Variants in EEPD1 observed in about 807,000 individuals in gnomAD.
EEPD1 encodes endonuclease/exonuclease/phosphatase family domain containing 1.
A neutral mutation model predicts 46.3 loss-of-function variants in EEPD1; 17 were observed. The ratio of observed to expected loss-of-function variants is 0.37; its 90% CI spans 0.25 to 0.55. The LOEUF is 0.55. EEPD1 is among the 20% of genes least tolerant of loss of function. The probability of loss-of-function intolerance (pLI) is 0.83; values close to 1 mark genes in which losing one functional copy is unlikely to be tolerated. For missense variants in EEPD1, 673 were observed against 745.6 expected, an observed-to-expected ratio of 0.90 and a Z score of 1.13; for synonymous variants, 313 against 315.6, an observed-to-expected ratio of 0.99 and a Z score of 0.09.
chr7:36,154,980 C>G lies in EEPD1; in HGVS notation c.656C>G (p.Pro219Arg). ...GGLTFTAKPH[P>R]SPTSLSLQSE... Reference sequence around the variant, plus strand: ...CTGACCTTCACCGCCAAGCCTCACCCGAGCCCCACTTCCCTGAGCCTGCAG... The same window carrying G: ...CTGACCTTCACCGCCAAGCCTCACCGGAGCCCCACTTCCCTGAGCCTGCAG... Residue 219 changes from proline to arginine, a missense_variant, in exon 2 of 8, where the codon CCG becomes CGG. By Grantham distance (103) the Pro-to-Arg change is moderately radical. Transcript: ENST00000242108. The surrounding 1 kb of genome is among the most constrained non-coding windows in gnomAD (Gnocchi z 4.2). 6.2e-7 allele frequency: 1 copy of G among 1,613,570 alleles called. No individual in the cohort carries two copies. The highest frequency in any genetic ancestry group is 1.1e-5 in the South Asian group (1 of 91,010).
chr7:36,206,377 T>C (rs546018108), intron 2 of EEPD1, among the ~76,000 whole-genome samples: 57 of 151,684 alleles, frequency 3.8e-4, no homozygotes, highest in African/African-American at 1.3e-3. Flanking sequence ...TCTAAAATAT[T>C]AACACTTATG....
chr7:36,249,609 T>C (rs1376511519), intron 3 of EEPD1, among the ~76,000 whole-genome samples: 1 of 152,138 alleles, frequency 6.6e-6, no homozygotes, highest in Non-Finnish European at 1.5e-5. Context: ...CCTCATAGAA[T>C]TGTGGTATAA....
chr7:36,215,676 A>G (rs898499189), intron 2 of EEPD1, among the ~76,000 whole-genome samples: 14 of 152,290 alleles, frequency 9.2e-5, no homozygotes, highest in African/African-American at 3.1e-4. Context: ...TCTGTTCTGC[A>G]CTGTTGAGTG....
chr7:36,266,316 G>C (rs196571), intron 3 of EEPD1, among the ~76,000 whole-genome samples: 1 of 152,020 alleles, frequency 6.6e-6, no homozygotes, highest in Non-Finnish European at 1.5e-5. Context: ...GAATTACTGG[G>C]CTGTGCATTC....
intron 2 of EEPD1, among the ~76,000 whole-genome samples, chr7:36,186,890 G>C (rs964117576): frequency 1.3e-5 from 2 of 152,226 alleles, no homozygotes; most frequent in African/African-American, 4.8e-5. Context: ...CTGTAACACA[G>C]GTTAGCTCAT....
intron 2 of EEPD1, among the ~76,000 whole-genome samples, chr7:36,197,022 C>A (rs1449474033): frequency 6.6e-6 from 1 of 150,488 alleles, no homozygotes; most frequent in Non-Finnish European, 1.5e-5. Flanking sequence ...CTCTGCCCCG[C>A]CGCCCCGTCT....
chr7:36,154,092 T>G lies in EEPD1; in HGVS notation c.-192-41T>G, dbSNP rs2115581455. On this transcript the variant is annotated intron_variant, in intron 1 of 7. Transcript: ENST00000242108. The surrounding 1 kb of genome is among the most constrained non-coding windows in gnomAD (Gnocchi z 4.2). The stretch of plus-strand genomic sequence containing the variant: ...GGTAGGGGGTGCTAATGCAAATTTC[T>G]TAATTCAATGGGTTTCTATGTTTAT... The G allele has an allele frequency of 8.5e-6, 5 of 590,242 alleles. No homozygotes were observed. In the South Asian group the frequency reaches 1.1e-4, roughly 13 times the overall value. The allele number at this position is 590,242 out of a possible 1,614,324, so 36.6% of individuals were successfully genotyped here.
chr7:36,223,499 C>A (rs1786183193), intron 2 of EEPD1, among the ~76,000 whole-genome samples: 1 of 152,150 alleles, frequency 6.6e-6, no homozygotes, highest in Non-Finnish European at 1.5e-5. Flanking sequence ...ACGTAAGCTT[C>A]GTCAGAGTCA....
At chr7:36,298,364 A>C (rs1414930801) in intron 7 of EEPD1, among the ~76,000 whole-genome samples, 4 of 152,212 alleles carry the variant, frequency 2.6e-5, no homozygotes, top group Non-Finnish European at 4.4e-5. Context: ...CAGAATGGTC[A>C]GCAGTGTGTG....
chr7:36,223,107 C>T (rs867182336), intron 2 of EEPD1, among the ~76,000 whole-genome samples: 11 of 151,816 alleles, frequency 7.2e-5, no homozygotes, highest in African/African-American at 2.2e-4. Flanking sequence ...GCCAAGATCA[C>T]GCTACTGCAC....
chr7:36,154,622 G>A lies in EEPD1; in HGVS notation c.298G>A (p.Val100Met). ...GGAGCAGGTCAAGTTTGAGATCTGT[G>A]TGAGCAGCAAGGGCAGCTCAGCGCA... ...KLEQVKFEIC[V>M]SSKGSSAQHS... Residue 100 changes from valine to methionine, a missense_variant, in exon 2 of 8, where the codon GTG (valine) becomes ATG (methionine). Coordinates refer to ENST00000242108, the MANE Select transcript of EEPD1 (RefSeq NM_030636.3). This position sits in a 1 kb window ranked among gnomAD's most constrained non-coding sequence, Gnocchi z 4.2. 6.2e-7 allele frequency: 1 copy of A among 1,614,034 alleles called. No individual in the cohort carries two copies. The highest frequency in any genetic ancestry group is 8.5e-7 in the Non-Finnish European group (1 of 1,180,016).
chr7:36,157,382 C>T (rs1459561787), intron 2 of EEPD1, among the ~76,000 whole-genome samples: 1 of 152,210 alleles, frequency 6.6e-6, no homozygotes, highest in African/African-American at 2.4e-5. Flanking sequence ...GGAGAGTGAG[C>T]AAAGACGGCT....
chr7:36,272,653 G>A (rs1787128747), intron 3 of EEPD1, among the ~76,000 whole-genome samples: 1 of 152,110 alleles, frequency 6.6e-6, no homozygotes, highest in Admixed American at 6.5e-5. Context: ...ACTTACCTTG[G>A]TTCTGTAAAA....
intron 2 of EEPD1, among the ~76,000 whole-genome samples, chr7:36,217,472 G>T (rs997342162): frequency 6.6e-6 from 1 of 152,206 alleles, no homozygotes; most frequent in African/African-American, 2.4e-5. Flanking sequence ...CTTTACTGCA[G>T]CCTCTTTTAT....
At chr7:36,238,885 G>A in intron 2 of EEPD1, 100 bp from the exon 3 acceptor site, 2 of 1,166,306 alleles carry the variant, frequency 1.7e-6, no homozygotes, top group Admixed American at 3.0e-5. Flanking sequence ...TAGAAATGCA[G>A]GATGAAATTT....
At chr7:36,286,159 G>C (rs1448635118) in intron 5 of EEPD1, among the ~76,000 whole-genome samples, 2 of 152,164 alleles carry the variant, frequency 1.3e-5, no homozygotes, top group Non-Finnish European at 2.9e-5. Flanking sequence ...GTTTTTAAGG[G>C]TATAATGAGA....
intron 2 of EEPD1, among the ~76,000 whole-genome samples, chr7:36,181,020 T>C (rs1478985195): frequency 6.6e-6 from 1 of 152,112 alleles, no homozygotes; most frequent in East Asian, 1.9e-4. Flanking sequence ...TGTAGAAGGA[T>C]TCCCCAGGGT....
intron 2 of EEPD1, among the ~76,000 whole-genome samples, chr7:36,221,747 T>C (rs760766373): frequency 4.6e-5 from 7 of 152,240 alleles, no homozygotes; most frequent in Non-Finnish European, 7.3e-5. Flanking sequence ...CAGATAAATA[T>C]AATAACTGTC....
chr7:36,245,351 G>A (rs1028619206), intron 3 of EEPD1, among the ~76,000 whole-genome samples: 2 of 152,142 alleles, frequency 1.3e-5, no homozygotes, highest in Non-Finnish European at 2.9e-5. Flanking sequence ...GGTCCTTACT[G>A]TGTTTGGGGG....
Sources: allele counts gnomAD v4.1 joint callset (sites outside exome capture counted in the v4.1 genomes callset), GRCh38; gene constraint gnomAD v4.1.1; non-coding constraint Gnocchi (gnomAD v3.1); transcripts MANE v1.5; gene names NCBI Gene and HGNC (gene_info 2026-07-23, HGNC 2026-07-21).